AIPL1: variants seen among roughly 807,000 people sequenced by gnomAD.
AIPL1 encodes the protein aryl-hydrocarbon-interacting protein-like 1.
Under a neutral mutation model 32.9 loss-of-function variants are expected in AIPL1, and 23 were observed. That is an observed-to-expected ratio of 0.70 (90% CI 0.50 to 0.99). The LOEUF (loss-of-function observed/expected upper bound fraction) is 0.99, where lower values mean the gene tolerates loss of function less well. AIPL1 is among the 50% of genes least tolerant of loss of function. The probability of loss-of-function intolerance (pLI) is 0.00; values close to 1 mark genes in which losing one functional copy is unlikely to be tolerated. For missense variants in AIPL1, 485 were observed against 506.0 expected, an observed-to-expected ratio of 0.96 and a Z score of 0.40; for synonymous variants, 210 against 209.4, an observed-to-expected ratio of 1.00 and a Z score of -0.02.
At chr17:6,432,730 A>G (rs1182136337) in intron 2 of AIPL1, among the ~76,000 whole-genome samples, 1 of 151,902 alleles carries the variant, frequency 6.6e-6, no homozygotes, top group Non-Finnish European at 1.5e-5. Flanking sequence ...TCCCGGGTTC[A>G]AGTGATTCTC....
chr17:6,429,355 G>C (rs1008643315), intron 2 of AIPL1, among the ~76,000 whole-genome samples: 1 of 152,220 alleles, frequency 6.6e-6, no homozygotes, highest in African/African-American at 2.4e-5. Flanking sequence ...CTATGCAGCA[G>C]TTCAGCTCTG....
rs775636207 is a variant in AIPL1, at chr17:6,425,793, G to A, written c.822C>T (p.His274=). The change falls in exon 6 of 6, where the codon CAC becomes CAT. Residue 274 remains histidine, a synonymous_variant. Transcript: ENST00000381129. ...CCTCGGCCTCATTCCACACCTCTGC[G>A]TGAGCCCGGGCACGCACGTAGTAGG... ...VKAYYVRARA[H]AEVWNEAEAK... is the part of the protein sequence containing the mutation. 4.4e-6 allele frequency: 7 copies of A among 1,605,774 alleles called. No individual in the cohort carries two copies. Among genetic ancestry groups the A allele is most frequent in the African/African-American group, 2.7e-5 (2 of 75,022 alleles).
intron 2 of AIPL1, 63 bp from the exon 3 acceptor site, chr17:6,428,569 A>C: frequency 6.6e-7 from 1 of 1,506,916 alleles, no homozygotes; most frequent in Non-Finnish European, 9.2e-7. Flanking sequence ...GGGCCATAAA[A>C]GGCCTCCACT....
intron 2 of AIPL1, among the ~76,000 whole-genome samples, chr17:6,429,842 A>AGATAGAT (rs1438208007): frequency 8.7e-5 from 13 of 149,434 alleles, no homozygotes; most frequent in African/African-American, 3.3e-4. Context: ...ATAGATAGAT[A>AGATAGAT]GATAGATAGA....
chr17:6,434,940 T>C (rs1913028966), intron 1 of AIPL1, 69 bp downstream of exon 1: 21 of 1,610,056 alleles, frequency 1.3e-5, no homozygotes, highest in Non-Finnish European at 1.8e-5. Flanking sequence ...TTACAGTGCC[T>C]TGGGGCACAC....
intron 5 of AIPL1, 181 bp from the exon 6 acceptor site, chr17:6,426,011 ACCT>A (rs1156898229): frequency 9.8e-7 from 1 of 1,019,924 alleles, no homozygotes; most frequent in African/African-American, 1.6e-5. Context: ...TAATAGCAGT[ACCT>A]CCTCCTCTCC....
intron 1 of AIPL1, among the ~76,000 whole-genome samples, chr17:6,434,637 C>T (rs1397295310): frequency 6.6e-6 from 1 of 152,144 alleles, no homozygotes; most frequent in African/African-American, 2.4e-5. Context: ...GGATTACAGG[C>T]GGGAGCCGCC....
At position 6,435,039 on chromosome 17, in the gene AIPL1, G is replaced by T; in HGVS notation, c.66C>A (p.Gly22=). 2 of 1,614,214 alleles carry T rather than the reference G, an allele frequency of 1.2e-6. No individual in the cohort carries two copies. The highest frequency in any genetic ancestry group is 1.7e-6 in the Non-Finnish European group (2 of 1,180,032). Residue 22 remains glycine, a synonymous_variant, in exon 1 of 6, where the codon GGC becomes GGA. Transcript: ENST00000381129. ...ATCCGGTGATGAAGTTTGGGAGCTC[G>T]CCCGTGCCCCCGTGCAGAATGGTTT... ...VKKTILHGGT[G]ELPNFITGSR...
intron 5 of AIPL1, 21 bp downstream of exon 5, chr17:6,426,594 C>G: frequency 6.2e-7 from 1 of 1,611,112 alleles, no homozygotes; most frequent in Non-Finnish European, 8.5e-7. Context: ...CCTCACTGTC[C>G]GCCCCTGCAG....
At position 6,428,382 on chromosome 17, in the gene AIPL1, T is replaced by A. The variant is rs16955851; in HGVS notation, c.401A>T (p.Tyr134Phe). 5.8e-3 allele frequency: 9,321 copies of A among 1,612,788 alleles called. 49 individuals are homozygous for A. The highest frequency in any genetic ancestry group is 7.0e-3 in the Non-Finnish European group (8,298 of 1,180,030). ...ANMFAYHTLG[Y>F]EDLDELQKEP... The stretch of plus-strand genomic sequence containing the variant: ...CTTCTGCAGCTCGTCCAGGTCCTCG[T>A]AGCCCAGCGTGTGGTAGGCGAACAT... The change falls in exon 3 of 6, where the codon TAC becomes TTC. Residue 134 changes from tyrosine to phenylalanine, a missense_variant. By Grantham distance (22) the Tyr-to-Phe change is conservative (BLOSUM62 3). Coordinates refer to ENST00000381129, the MANE Select transcript of AIPL1 (RefSeq NM_014336.5).
intron 3 of AIPL1, 46 bp downstream of exon 3, chr17:6,428,272 C>T: frequency 6.3e-7 from 1 of 1,598,138 alleles, no homozygotes; most frequent in Non-Finnish European, 8.5e-7. Flanking sequence ...CGCTGTCCCT[C>T]TCCAGTGCTG....
In AIPL1 at chr17:6,434,059, G is replaced by T. The variant is rs769362312; in HGVS notation, c.136C>A (p.Arg46=). The T allele has an allele frequency of 1.4e-5, 22 of 1,613,886 alleles. No homozygotes were observed. In the East Asian group the frequency reaches 4.2e-4, roughly 31 times the overall value. ...TGCCGACTGTCGTCAATGACTGTCC[G>T]CTCCTCATCACATTTCATGGTGCGG... ...HFRTMKCDEE[R]TVIDDSRQVG... Residue 46 remains arginine (R), a synonymous_variant, in exon 2 of 6, where the codon CGG becomes AGG. Transcript: ENST00000381129.
chr17:6,431,240 G>A (rs533949889), intron 2 of AIPL1, among the ~76,000 whole-genome samples: 1 of 151,766 alleles, frequency 6.6e-6, no homozygotes, highest in South Asian at 2.1e-4. Context: ...GAGGTCAAGA[G>A]TTCGAGACCA....
chr17:6,428,516 T>G lies in AIPL1; in HGVS notation c.277-10A>C, dbSNP rs12453262. 902,542 of 1,611,246 alleles carry G rather than the reference T, an allele frequency of 0.56. 256,149 individuals are homozygous for G. Among genetic ancestry groups the G allele is most frequent in the Middle Eastern group, 0.71 (4,333 of 6,062 alleles). ...GGTAGACCCCCGTGTGCTGTGGGGA[T>G]AAACGGATGGATGGCATCCAGGCTA... is the stretch of plus-strand genomic sequence containing the variant. On this transcript the variant is annotated splice_polypyrimidine_tract_variant and intron_variant, in intron 2 of 5. Coordinates refer to ENST00000381129, the MANE Select transcript of AIPL1 (RefSeq NM_014336.5).
rs151005701 is a variant in AIPL1 at position 6,432,244 on chromosome 17, G to C, written c.276+1675C>G. Reference sequence around the variant, plus strand: ...CTAAAATACAAAAAATTACCCAGGCGTGGTGGCGGGCACCTGTAGTCGTGG... The same window carrying C: ...CTAAAATACAAAAAATTACCCAGGCCTGGTGGCGGGCACCTGTAGTCGTGG... On this transcript the variant is annotated intron_variant, in intron 2 of 5. Coordinates refer to ENST00000381129, the MANE Select transcript of AIPL1 (RefSeq NM_014336.5). Among the ~76,000 whole-genome samples the C allele has an allele frequency of 4.7e-3, 710 of 152,162 alleles. 2 individuals carry two copies. Among genetic ancestry groups the C allele is most frequent in the Admixed American group, 8.0e-3 (123 of 15,286 alleles).
At chr17:6,434,263 C>G (rs983890423) in intron 1 of AIPL1, among the ~76,000 whole-genome samples, 165 bp from the exon 2 acceptor site, 1 of 151,772 alleles carries the variant, frequency 6.6e-6, no homozygotes, top group Non-Finnish European at 1.5e-5. Context: ...CCTGCACCCC[C>G]CAGGGAGGAG....
chr17:6,432,943 G>A (rs559035873), intron 2 of AIPL1, among the ~76,000 whole-genome samples: 15 of 152,316 alleles, frequency 9.8e-5, no homozygotes, highest in Non-Finnish European at 1.8e-4. Context: ...ATTTACAGAT[G>A]AAATGATATG....
intron 5 of AIPL1, chr17:6,426,176 G>A (rs1002108268): frequency 1.2e-5 from 16 of 1,280,822 alleles, no homozygotes; most frequent in Middle Eastern, 3.0e-4. Flanking sequence ...GATAATAAAC[G>A]CAGACGACGT....
chr17:6,425,910 C>CCT, intron 5 of AIPL1, 80 bp from the exon 6 acceptor site: 1 of 1,520,598 alleles, frequency 6.6e-7, no homozygotes, highest in East Asian at 2.4e-5. Flanking sequence ...GACTCACCAG[C>CCT]CTCCAAGACC....
Sources: gnomAD v4.1 joint callset for allele counts (sites outside exome capture counted in the v4.1 genomes callset) on GRCh38, gnomAD v4.1.1 for gene constraint, MANE v1.5 for transcripts, NCBI Gene and HGNC (gene_info 2026-07-23, HGNC 2026-07-21) for gene names.